PDZD2: variants seen among roughly 807,000 people sequenced by gnomAD.
PDZD2 encodes PDZ domain containing 2.
Under a neutral mutation model 220.7 loss-of-function variants are expected in PDZD2, and 90 were observed. That is an observed-to-expected ratio of 0.41 (90% confidence interval 0.34 to 0.49). The LOEUF (loss-of-function observed/expected upper bound fraction) is 0.49. Among genes scored for constraint, PDZD2 ranks in the 20% least tolerant of loss-of-function variants. The pLI is 0.28. For missense variants in PDZD2, 3,174 were observed against 3,608.5 expected (o/e 0.88, Z 3.08); for synonymous variants, 1,375 against 1,450.5 (o/e 0.95, Z 1.18).
At chr5:32,048,440 A>C in intron 7 of PDZD2, 99 bp from the exon 8 acceptor site, 1 of 982,794 alleles carries the variant, frequency 1.0e-6, no homozygotes, top group South Asian at 1.5e-5. Flanking sequence ...TCTCAAAACC[A>C]TGAAGGTGGG....
intron 2 of PDZD2, among the ~76,000 whole-genome samples, chr5:31,906,083 A>C (rs374805272): frequency 1.2e-5 from 1 of 83,400 alleles, no homozygotes; most frequent in African/African-American, 3.8e-5. Context: ...GTGCAGTGGC[A>C]CCGTCTCGGC....
chr5:31,776,180 G>A (rs3922969), intron 1 of PDZD2, among the ~76,000 whole-genome samples: 45,304 of 152,016 alleles, frequency 0.3, 8,341 homozygotes, highest in East Asian at 0.66. Context: ...CGTTCCCTAG[G>A]TCATCTTGGA....
At chr5:31,712,675 G>T (rs1422096399) in intron 1 of PDZD2, among the ~76,000 whole-genome samples, 2 of 152,134 alleles carry the variant, frequency 1.3e-5, no homozygotes, top group African/African-American at 4.8e-5. Flanking sequence ...TATTCCATTG[G>T]CCGAGCAGTC....
chr5:31,978,659 G>A (rs1030271981), intron 2 of PDZD2, among the ~76,000 whole-genome samples: 1 of 144,194 alleles, frequency 6.9e-6, no homozygotes, highest in Non-Finnish European at 1.5e-5. Flanking sequence ...AGTTGGCAGT[G>A]AGCCAAGATT....
intron 2 of PDZD2, among the ~76,000 whole-genome samples, chr5:31,812,020 A>AAATG: frequency 6.7e-6 from 1 of 150,224 alleles, no homozygotes; most frequent in African/African-American, 2.4e-5. Flanking sequence ...ATAAATAAAT[A>AAATG]AATAAATAAA....
At chr5:32,021,869 C>T (rs1754225911) in intron 6 of PDZD2, among the ~76,000 whole-genome samples, 2 of 152,118 alleles carry the variant, frequency 1.3e-5, no homozygotes. Context: ...TTTGTGTCAC[C>T]CACTTACCCC....
Position 31,663,301 on chromosome 5 carries a change from A to G in PDZD2, c.-361+23864A>G, listed in dbSNP as rs76435048. On this transcript the variant is annotated intron_variant, in intron 1 of 24. Transcript: ENST00000438447. Reference sequence around the variant, plus strand: ...TTCTAATCTTGTATGTTATAAATGAACAAATCTCAACCCAGAGAGCTGAGG... The same window carrying G: ...TTCTAATCTTGTATGTTATAAATGAGCAAATCTCAACCCAGAGAGCTGAGG... Among the ~76,000 whole-genome samples, 1,001 of 152,306 alleles carry G rather than the reference A, an allele frequency of 6.6e-3. 15 individuals are homozygous for G. Among genetic ancestry groups the G allele is most frequent in the African/African-American group, 0.023 (952 of 41,564 alleles).
intron 1 of PDZD2, among the ~76,000 whole-genome samples, chr5:31,715,064 A>G (rs1162420076): frequency 6.6e-6 from 1 of 151,930 alleles, no homozygotes; most frequent in Non-Finnish European, 1.5e-5. Flanking sequence ...GTCTAAAAAA[A>G]AAAAAAAAAG....
At chr5:32,073,408 C>T (rs1049368265) in intron 17 of PDZD2, among the ~76,000 whole-genome samples, 2 of 152,298 alleles carry the variant, frequency 1.3e-5, no homozygotes, top group South Asian at 2.1e-4. Context: ...AAGGAAGGAC[C>T]TCAAGGGGCC....
intron 1 of PDZD2, among the ~76,000 whole-genome samples, chr5:31,648,298 G>A (rs548639124): frequency 3.3e-5 from 5 of 152,206 alleles, no homozygotes; most frequent in South Asian, 2.1e-4. Flanking sequence ...CAGTGGGGGC[G>A]TTATAGGGAT....
In PDZD2 at chr5:32,059,368, G is replaced by A. The variant is rs763494922; in HGVS notation, c.2318+12G>A. On this transcript the variant is annotated intron_variant, in intron 13 of 24. Coordinates refer to ENST00000438447, the MANE Select transcript of PDZD2 (RefSeq NM_178140.4). ...GAGAGCAACCTGAGGTTTGTTGTTT[G>A]CCTGATAGTGTAAGGTTCTGGAGTG... is the stretch of plus-strand genomic sequence containing the variant. 13 of 1,336,438 alleles carry A rather than the reference G, an allele frequency of 9.7e-6. No individual in the cohort carries two copies. The East Asian group carries it at 2.5e-4, about 26-fold the overall frequency. 82.8% of individuals were successfully genotyped at this position (1,336,438 alleles called of 1,614,324 possible).
chr5:32,108,889 G>GAT lies in PDZD2; in HGVS notation c.*756_*757dup, dbSNP rs1745080410. 6.6e-6 allele frequency: 1 copy of GAT among 152,612 alleles called. No individual in the cohort carries two copies. The highest frequency in any genetic ancestry group is 2.4e-5 in the African/African-American group (1 of 41,438). The allele number at this position is 152,612 out of a possible 1,614,324, so 9.5% of individuals were successfully genotyped here. A position where few individuals can be genotyped will look rare whatever the true frequency, so the allele number is the denominator to read the frequency against. On this transcript the variant is annotated 3_prime_UTR_variant, in exon 25 of 25. Transcript: ENST00000438447. ...GGCTGTTTTACAGAATAGCACTTCT[G>GAT]ATAAGCTGTATTAAATAGCCATGAG...
chr5:31,842,592 C>G (rs1219674719), intron 2 of PDZD2, among the ~76,000 whole-genome samples: 1 of 152,188 alleles, frequency 6.6e-6, no homozygotes, highest in Non-Finnish European at 1.5e-5. Context: ...AGTCAAGAAA[C>G]CTGGGTTCCT....
At chr5:31,759,609 G>A (rs1561437323) in intron 1 of PDZD2, among the ~76,000 whole-genome samples, 1 of 149,280 alleles carries the variant, frequency 6.7e-6, no homozygotes, top group Non-Finnish European at 1.5e-5. Flanking sequence ...GATCTCAGCT[G>A]AGATCAGCTC....
chr5:31,814,410 C>T (rs1755304283), intron 2 of PDZD2, among the ~76,000 whole-genome samples: 1 of 152,138 alleles, frequency 6.6e-6, no homozygotes, highest in Non-Finnish European at 1.5e-5. Flanking sequence ...TGATTTTACA[C>T]CTTTTAAGGG....
intron 6 of PDZD2, among the ~76,000 whole-genome samples, chr5:32,029,471 T>C (rs1037634554): frequency 6.6e-6 from 1 of 151,850 alleles, no homozygotes. Context: ...CTAATCCCAG[T>C]TTTTAGGATT....
rs746838175 is a variant in PDZD2 at position 32,087,662 on chromosome 5, A to C, written c.4214A>C (p.Glu1405Ala). ...SMLPSTDNTK[E>A]ACGHVSGHCC... ...CTGCCATCCACTGACAACACCAAAG[A>C]AGCATGTGGCCATGTCTCGGGGCAC... The change falls in exon 20 of 25, where the codon GAA (glutamate) becomes GCA (alanine). Residue 1405 changes from glutamate (E) to alanine (A), a missense_variant. Glu to Ala is a moderately radical substitution (Grantham distance 107). Coordinates refer to ENST00000438447, the MANE Select transcript of PDZD2 (RefSeq NM_178140.4). This position sits in a 1 kb window ranked among gnomAD's most constrained non-coding sequence, Gnocchi z 4.0. 1.2e-6 allele frequency: 2 copies of C among 1,614,132 alleles called. No individual in the cohort carries two copies. The highest frequency in any genetic ancestry group is 1.1e-5 in the South Asian group (1 of 91,088).
At chr5:31,879,957 A>T (rs1580976067) in intron 2 of PDZD2, among the ~76,000 whole-genome samples, 1 of 134,274 alleles carries the variant, frequency 7.4e-6, no homozygotes, top group East Asian at 2.1e-4. Context: ...CTTGTTGCCC[A>T]GGTTGGAGTG....
chr5:31,685,832 C>T (rs1049816111), intron 1 of PDZD2, among the ~76,000 whole-genome samples: 2 of 151,542 alleles, frequency 1.3e-5, no homozygotes, highest in East Asian at 3.9e-4. Flanking sequence ...ATATTATTTT[C>T]AAACAAATCC....
Sources: gnomAD v4.1 joint callset for allele counts (sites outside exome capture counted in the v4.1 genomes callset) on GRCh38, gnomAD v4.1.1 for gene constraint, Gnocchi (gnomAD v3.1) non-coding constraint, MANE v1.5 for transcripts, NCBI Gene and HGNC (gene_info 2026-07-23, HGNC 2026-07-21) for gene names.